Variants in RSPO4 observed in about 807,000 individuals in gnomAD.
RSPO4 encodes R-spondin 4.
In RSPO4, 23 loss-of-function variants were observed where a neutral mutation model predicts 24.8. The observed-to-expected ratio is 0.93, with a 90% CI of 0.67 to 1.31. The LOEUF is 1.31. Among genes scored for constraint, RSPO4 ranks in the 40% most tolerant of loss-of-function variants. The probability of loss-of-function intolerance (pLI) is 0.00; values close to 1 mark genes in which losing one functional copy is unlikely to be tolerated. For missense variants in RSPO4, 333 were observed against 316.5 expected (o/e 1.05, Z -0.39); for synonymous variants, 141 against 127.4 (o/e 1.11, Z -0.72).
chr20:961,279 C>T (rs1983989451), intron 4 of RSPO4, among the ~76,000 whole-genome samples: 1 of 152,302 alleles, frequency 6.6e-6, no homozygotes. Context: ...GGACATTCTC[C>T]TACATTGCTT....
At chr20:992,514 A>T (rs372318534) in intron 1 of RSPO4, among the ~76,000 whole-genome samples, 39 of 152,132 alleles carry the variant, frequency 2.6e-4, no homozygotes, top group African/African-American at 8.7e-4. Flanking sequence ...CGTTCTGTAC[A>T]CTAGGAAGAG....
intron 2 of RSPO4, 59 bp from the exon 3 acceptor site, chr20:967,373 G>A: frequency 6.3e-7 from 1 of 1,594,592 alleles, no homozygotes; most frequent in Non-Finnish European, 8.6e-7. Context: ...GGGCCCACTG[G>A]GTCTGCCCGA....
At chr20:963,812 G>T (rs924694836) in intron 4 of RSPO4, 123 bp downstream of exon 4, 46 of 980,532 alleles carry the variant, frequency 4.7e-5, no homozygotes, top group South Asian at 1.9e-4. Context: ...CCACATGATA[G>T]TATGGCTAAT....
chr20:965,381 C>A (rs967290448), intron 3 of RSPO4, among the ~76,000 whole-genome samples: 1 of 152,160 alleles, frequency 6.6e-6, no homozygotes, highest in Non-Finnish European at 1.5e-5. Context: ...GGAGAATAAG[C>A]TCAAACTGAG....
chr20:969,325 TA>T (rs1157637197), intron 1 of RSPO4, among the ~76,000 whole-genome samples: 1 of 151,938 alleles, frequency 6.6e-6, no homozygotes. Context: ...AAGAAGAAAA[TA>T]AAAAGAAGTG....
intron 1 of RSPO4, among the ~76,000 whole-genome samples, chr20:997,057 AGCTGTGAGCTCTTTG>A (rs1440699094): frequency 1.3e-5 from 2 of 152,192 alleles, no homozygotes; most frequent in Non-Finnish European, 2.9e-5. Context: ...CTGGCTCAGC[AGCTGTGAGCTCTTTG>A]GCAGGCCATT....
chr20:965,665 A>T (rs763012288), intron 3 of RSPO4, among the ~76,000 whole-genome samples: 14 of 152,130 alleles, frequency 9.2e-5, no homozygotes, highest in Non-Finnish European at 1.5e-4. Context: ...GGCACAGAGG[A>T]CAGAAACAAA....
chr20:987,509 G>A (rs1984956926), intron 1 of RSPO4, among the ~76,000 whole-genome samples: 3 of 152,146 alleles, frequency 2.0e-5, no homozygotes, highest in Non-Finnish European at 4.4e-5. Flanking sequence ...ACACTGTCCA[G>A]GTGCGGTGGC....
At chr20:992,124 T>G (rs1290943468) in intron 1 of RSPO4, among the ~76,000 whole-genome samples, 1 of 152,200 alleles carries the variant, frequency 6.6e-6, no homozygotes, top group Non-Finnish European at 1.5e-5. Context: ...GGCCCCATCA[T>G]GGCTTCCCCC....
At chr20:969,734 G>T (rs547402375) in intron 1 of RSPO4, among the ~76,000 whole-genome samples, 2 of 152,154 alleles carry the variant, frequency 1.3e-5, no homozygotes, top group Non-Finnish European at 2.9e-5. Flanking sequence ...AGAGGCAGCA[G>T]GGGAGACCAC....
At chr20:966,544 T>C (rs1984203934) in intron 3 of RSPO4, among the ~76,000 whole-genome samples, 1 of 152,096 alleles carries the variant, frequency 6.6e-6, no homozygotes, top group South Asian at 2.1e-4. Context: ...GAGCTAGGAT[T>C]GGACCCCAGG....
intron 1 of RSPO4, among the ~76,000 whole-genome samples, chr20:996,578 C>T (rs996562719): frequency 3.9e-5 from 6 of 152,158 alleles, no homozygotes; most frequent in Non-Finnish European, 7.3e-5. Context: ...AGGCTTTTTG[C>T]ACCACATACG....
intron 1 of RSPO4, among the ~76,000 whole-genome samples, chr20:980,864 A>G (rs978942361): frequency 6.6e-6 from 1 of 152,196 alleles, no homozygotes; most frequent in Non-Finnish European, 1.5e-5. Flanking sequence ...TTGTACGTGC[A>G]TGAACTCAGA....
intron 1 of RSPO4, among the ~76,000 whole-genome samples, chr20:996,796 A>G (rs1050278298): frequency 1.3e-5 from 2 of 152,110 alleles, no homozygotes; most frequent in African/African-American, 4.8e-5. Flanking sequence ...CTCTGGCCCA[A>G]TCTGCAATCA....
intron 1 of RSPO4, 26 bp from the exon 2 acceptor site, chr20:968,164 A>T: frequency 6.2e-7 from 1 of 1,606,692 alleles, no homozygotes; most frequent in Non-Finnish European, 8.5e-7. Context: ...GGGCAGAAGG[A>T]GGGGGAAAGG....
chr20:996,092 G>C (rs921202652), intron 1 of RSPO4, among the ~76,000 whole-genome samples: 2 of 152,216 alleles, frequency 1.3e-5, no homozygotes, highest in Non-Finnish European at 2.9e-5. Flanking sequence ...TTGCCTGTGA[G>C]CTAAGAAGAG....
chr20:984,078 C>T (rs1158722706), intron 1 of RSPO4, among the ~76,000 whole-genome samples: 1 of 152,170 alleles, frequency 6.6e-6, no homozygotes, highest in Non-Finnish European at 1.5e-5. Context: ...TGGTTCACAC[C>T]TGTAATCCCA....
intron 1 of RSPO4, among the ~76,000 whole-genome samples, chr20:989,851 G>A (rs1451385725): frequency 6.6e-6 from 1 of 152,228 alleles, no homozygotes; most frequent in Non-Finnish European, 1.5e-5. Context: ...GGAGACGCGG[G>A]CCTCTGGGAG....
rs903584366 is a variant in RSPO4 at position 959,104 on chromosome 20, G to C, written c.*1253C>G. ...GGGCGAGTGTGGTGGTGGGTGTGGGGGAGTGTGGTGGTGGGTGTGGGGCAG... is the reference window on the plus strand; with the variant it reads ...GGGCGAGTGTGGTGGTGGGTGTGGGCGAGTGTGGTGGTGGGTGTGGGGCAG... On this transcript the variant is annotated 3_prime_UTR_variant, in exon 5 of 5. Coordinates refer to ENST00000217260, the MANE Select transcript of RSPO4 (RefSeq NM_001029871.4). The C allele has an allele frequency of 4.4e-4, 64 of 146,546 alleles. 1 individual carries two copies. The East Asian group carries it at 5.0e-3, about 12-fold the overall frequency. The allele number at this position is 146,546 out of a possible 1,614,324, so 9.1% of individuals were successfully genotyped here. A position where few individuals can be genotyped will look rare whatever the true frequency, so the allele number is the denominator to read the frequency against.
Sources: allele counts gnomAD v4.1 joint callset (sites outside exome capture counted in the v4.1 genomes callset), GRCh38; gene constraint gnomAD v4.1.1; transcripts MANE v1.5; gene names NCBI Gene and HGNC (gene_info 2026-07-23, HGNC 2026-07-21).